Variants in KCNB2 observed in about 807,000 individuals in gnomAD.
The protein encoded by KCNB2 is potassium voltage-gated channel subfamily B member 2.
Under a neutral mutation model 61.5 loss-of-function variants are expected in KCNB2, and 15 were observed. The observed-to-expected ratio is 0.24, with a 90% CI of 0.16 to 0.38. KCNB2 has a LOEUF of 0.38. KCNB2 is among the 10% of genes least tolerant of loss of function. KCNB2 has a pLI of 1.00. For missense variants in KCNB2, 828 were observed against 1,125.2 expected, an observed-to-expected ratio of 0.74 and a Z score of 3.78; for synonymous variants, 457 against 446.0, an observed-to-expected ratio of 1.02 and a Z score of -0.31.
At chr8:72,908,308 A>C (rs1016074713) in intron 2 of KCNB2, among the ~76,000 whole-genome samples, 1 of 152,222 alleles carries the variant, frequency 6.6e-6, no homozygotes. Context: ...TTTATTGCAT[A>C]GAACCTCAGT....
chr8:72,556,926 C>A (rs189890120), intron 1 of KCNB2, among the ~76,000 whole-genome samples: 119 of 152,218 alleles, frequency 7.8e-4, no homozygotes, highest in African/African-American at 2.7e-3. Flanking sequence ...GATCAAGGTG[C>A]TGGCAGATTT....
At chr8:72,694,846 TAATAA>T (rs1199584932) in intron 2 of KCNB2, among the ~76,000 whole-genome samples, 1 of 151,584 alleles carries the variant, frequency 6.6e-6, no homozygotes, top group Non-Finnish European at 1.5e-5. Context: ...AATAAATTAT[TAATAA>T]AATAAAATAG....
intron 2 of KCNB2, among the ~76,000 whole-genome samples, chr8:72,763,868 C>A (rs2128996649): frequency 6.6e-6 from 1 of 152,190 alleles, no homozygotes; most frequent in East Asian, 1.9e-4. Flanking sequence ...CAGAAGGTTT[C>A]CCAGAGGAGG....
chr8:72,835,631 A>G (rs558503390), intron 2 of KCNB2, among the ~76,000 whole-genome samples: 1 of 152,150 alleles, frequency 6.6e-6, no homozygotes, highest in Non-Finnish European at 1.5e-5. Flanking sequence ...ATTTGTAAGG[A>G]CCCCAGGGGT....
intron 2 of KCNB2, among the ~76,000 whole-genome samples, chr8:72,829,412 A>G (rs1809652099): frequency 6.6e-6 from 1 of 152,212 alleles, no homozygotes; most frequent in Non-Finnish European, 1.5e-5. Context: ...ATATTGTCAG[A>G]AAGTTGTTCT....
At chr8:72,789,815 T>C (rs1174383751) in intron 2 of KCNB2, among the ~76,000 whole-genome samples, 4 of 152,048 alleles carry the variant, frequency 2.6e-5, no homozygotes, top group Non-Finnish European at 5.9e-5. Flanking sequence ...AGAATACCAG[T>C]TCACCACTAT....
At chr8:72,647,636 C>A (rs1051223466) in intron 2 of KCNB2, among the ~76,000 whole-genome samples, 2 of 152,084 alleles carry the variant, frequency 1.3e-5, no homozygotes, top group African/African-American at 4.8e-5. Context: ...GAGTTCCATT[C>A]TGATTTGCAC....
At chr8:72,709,008 G>T (rs1011613887) in intron 2 of KCNB2, among the ~76,000 whole-genome samples, 1 of 152,098 alleles carries the variant, frequency 6.6e-6, no homozygotes, top group African/African-American at 2.4e-5. Flanking sequence ...CTGCCAGATT[G>T]TTAAGGAGTC....
chr8:72,774,024 C>T (rs1036870097), intron 2 of KCNB2, among the ~76,000 whole-genome samples: 8 of 152,152 alleles, frequency 5.3e-5, no homozygotes, highest in Admixed American at 6.5e-5. Context: ...ATATCAAGGG[C>T]TTATTATATG....
In KCNB2 at chr8:72,852,335, C is replaced by T. The variant is rs188649263; in HGVS notation, c.580-83600C>T. Among the ~76,000 whole-genome samples the T allele has an allele frequency of 1.7e-3, 264 of 152,256 alleles. 5 individuals are homozygous for T. Among genetic ancestry groups the T allele is most frequent in the Admixed American group, 0.015 (228 of 15,276 alleles). On this transcript the variant is annotated intron_variant, in intron 2 of 2. Transcript: ENST00000523207. Reference sequence around the variant, plus strand: ...TATAACTTTTAGAAACAATATTATCCTCTTTTCACTATTGTACCATGTTTT... The same window carrying T: ...TATAACTTTTAGAAACAATATTATCTTCTTTTCACTATTGTACCATGTTTT...
intron 2 of KCNB2, among the ~76,000 whole-genome samples, chr8:72,847,204 A>C (rs146897795): frequency 6.6e-6 from 1 of 152,224 alleles, no homozygotes; most frequent in Non-Finnish European, 1.5e-5. Flanking sequence ...AAATGATTTC[A>C]TGAGTTGGGT....
At chr8:72,890,509 A>T (rs1805879909) in intron 2 of KCNB2, among the ~76,000 whole-genome samples, 1 of 152,208 alleles carries the variant, frequency 6.6e-6, no homozygotes, top group African/African-American at 2.4e-5. Flanking sequence ...CAGACCTGTG[A>T]GGCTCAGGTC....
At chr8:72,911,429 G>A (rs927976433) in intron 2 of KCNB2, among the ~76,000 whole-genome samples, 4 of 152,228 alleles carry the variant, frequency 2.6e-5, no homozygotes, top group South Asian at 2.1e-4. Flanking sequence ...ATGCACATGC[G>A]TGCAGGGGCA....
chr8:72,589,496 G>A (rs1807053141), intron 2 of KCNB2, among the ~76,000 whole-genome samples: 1 of 152,186 alleles, frequency 6.6e-6, no homozygotes, highest in Admixed American at 6.5e-5. Context: ...TAGGGGGATT[G>A]TCTCATGACT....
chr8:72,606,161 C>T (rs1476959108), intron 2 of KCNB2, among the ~76,000 whole-genome samples: 2 of 152,118 alleles, frequency 1.3e-5, no homozygotes, highest in Non-Finnish European at 2.9e-5. Context: ...GACCCAGTAG[C>T]TTTACTTCTG....
At chr8:72,738,842 T>A (rs559874903) in intron 2 of KCNB2, among the ~76,000 whole-genome samples, 1 of 152,308 alleles carries the variant, frequency 6.6e-6, no homozygotes, top group East Asian at 1.9e-4. Context: ...AGTTTTATCA[T>A]ATTAAGTAAC....
chr8:72,824,940 G>A (rs1809572585), intron 2 of KCNB2, among the ~76,000 whole-genome samples: 1 of 152,176 alleles, frequency 6.6e-6, no homozygotes, highest in South Asian at 2.1e-4. Context: ...CAAGTGTACA[G>A]TTTTTGGCAT....
chr8:72,590,106 TG>T, intron 2 of KCNB2, among the ~76,000 whole-genome samples: 1 of 152,326 alleles, frequency 6.6e-6, no homozygotes, highest in South Asian at 2.1e-4. Context: ...TCAGAATTCC[TG>T]GGTTCAACTC....
intron 2 of KCNB2, among the ~76,000 whole-genome samples, chr8:72,924,455 A>G (rs1806595334): frequency 1.3e-5 from 2 of 152,200 alleles, no homozygotes; most frequent in African/African-American, 4.8e-5. Context: ...GCTAAAATGC[A>G]GATTCTGATT....
Sources: gnomAD v4.1 joint callset for allele counts (sites outside exome capture counted in the v4.1 genomes callset) on GRCh38, gnomAD v4.1.1 for gene constraint, MANE v1.5 for transcripts, NCBI Gene and HGNC (gene_info 2026-07-23, HGNC 2026-07-21) for gene names.